The following IMMP2L variants were observed in gnomAD, a reference collection of about 807,000 sequenced individuals.
IMMP2L encodes the protein mitochondrial inner membrane protease subunit 2.
Under a neutral mutation model 19.3 loss-of-function variants are expected in IMMP2L, and 18 were observed. The observed-to-expected ratio is 0.93, with a 90% CI of 0.64 to 1.38. IMMP2L has a LOEUF of 1.38. IMMP2L is among the 40% of genes most tolerant of loss of function. The pLI, the probability that IMMP2L is intolerant of heterozygous loss-of-function variation, is 0.00. For synonymous variants in IMMP2L, 76 were observed against 73.0 expected (o/e 1.04, Z -0.21); for missense variants, 233 against 218.2 (o/e 1.07, Z -0.43).
intron 4 of IMMP2L, among the ~76,000 whole-genome samples, chr7:110,914,228 T>G (rs2129548934): frequency 6.6e-6 from 1 of 152,312 alleles, no homozygotes; most frequent in South Asian, 2.1e-4. Context: ...TTCAGGATCC[T>G]GATCTCACTC....
At chr7:111,316,655 G>A (rs1824113816) in intron 3 of IMMP2L, among the ~76,000 whole-genome samples, 1 of 151,472 alleles carries the variant, frequency 6.6e-6, no homozygotes, top group Non-Finnish European at 1.5e-5. Flanking sequence ...GGGAGAAAAG[G>A]GAAAATAAAG....
intron 5 of IMMP2L, among the ~76,000 whole-genome samples, chr7:110,717,565 T>C (rs1336252389): frequency 6.6e-6 from 1 of 152,208 alleles, no homozygotes; most frequent in Non-Finnish European, 1.5e-5. Context: ...CCATAGCACC[T>C]ATTACTCTAC....
At chr7:111,072,722 C>T (rs576279580) in intron 3 of IMMP2L, among the ~76,000 whole-genome samples, 19 of 152,044 alleles carry the variant, frequency 1.2e-4, no homozygotes, top group African/African-American at 4.1e-4. Context: ...AGTGAAATCC[C>T]ATCTCTACTA....
chr7:111,342,197 T>A (rs560977082), intron 3 of IMMP2L, among the ~76,000 whole-genome samples: 4 of 152,302 alleles, frequency 2.6e-5, no homozygotes, highest in African/African-American at 9.6e-5. Context: ...AGATTTGACT[T>A]ATAGAAAACT....
At chr7:111,190,525 T>C (rs956428192) in intron 3 of IMMP2L, among the ~76,000 whole-genome samples, 7 of 152,032 alleles carry the variant, frequency 4.6e-5, no homozygotes, top group Admixed American at 6.6e-5. Context: ...TATGCACCAA[T>C]AGAACAATAG....
At chr7:111,031,646 T>C (rs1219794718) in intron 3 of IMMP2L, among the ~76,000 whole-genome samples, 1 of 152,144 alleles carries the variant, frequency 6.6e-6, no homozygotes. Context: ...GAAATCCAAA[T>C]GATTTATGCC....
At position 111,292,087 on chromosome 7, in the gene IMMP2L, A is replaced by C. The variant is rs60535353; in HGVS notation, c.239+195151T>G. On this transcript the variant is annotated intron_variant, in intron 3 of 5. Transcript: ENST00000405709. ...TCACACACAGTGAAACCAAGAAAAC[A>C]ACCATATTCAAAAATGCCTGTCAAA... 3.3e-5 allele frequency among the ~76,000 whole-genome samples: 5 copies of C among 152,228 alleles called. No individual in the cohort carries two copies. The East Asian group carries it at 9.6e-4, about 29-fold the overall frequency.
chr7:111,414,903 C>T (rs1460784289), intron 3 of IMMP2L, among the ~76,000 whole-genome samples: 1 of 151,786 alleles, frequency 6.6e-6, no homozygotes, highest in Non-Finnish European at 1.5e-5. Flanking sequence ...CAGATTCCTG[C>T]CCACTGGTGC....
chr7:111,050,264 C>T (rs1461263423), intron 3 of IMMP2L, among the ~76,000 whole-genome samples: 2 of 152,170 alleles, frequency 1.3e-5, no homozygotes, highest in African/African-American at 4.8e-5. Flanking sequence ...AAGAATCTTA[C>T]AGATTTTGAA....
chr7:111,342,454 T>C (rs1827115168), intron 3 of IMMP2L, among the ~76,000 whole-genome samples: 1 of 151,774 alleles, frequency 6.6e-6, no homozygotes, highest in Admixed American at 6.6e-5. Context: ...TAGCTGGGCG[T>C]GGTGGCACGT....
intron 3 of IMMP2L, among the ~76,000 whole-genome samples, chr7:111,015,872 T>C (rs1825460714): frequency 6.6e-6 from 1 of 152,160 alleles, no homozygotes; most frequent in Non-Finnish European, 1.5e-5. Context: ...ATAGCCTCTC[T>C]CAAACACCAA....
At chr7:110,970,188 T>A (rs1819996695) in intron 3 of IMMP2L, among the ~76,000 whole-genome samples, 1 of 152,164 alleles carries the variant, frequency 6.6e-6, no homozygotes, top group South Asian at 2.1e-4. Context: ...TAATTGAGTA[T>A]TTTTGATCCT....
chr7:111,353,721 A>G (rs1828412886), intron 3 of IMMP2L, among the ~76,000 whole-genome samples: 2 of 152,168 alleles, frequency 1.3e-5, no homozygotes, highest in Admixed American at 1.3e-4. Context: ...CAGACTACAT[A>G]TATACATAAA....
At chr7:110,778,393 G>A (rs1170185496) in intron 5 of IMMP2L, among the ~76,000 whole-genome samples, 3 of 151,952 alleles carry the variant, frequency 2.0e-5, no homozygotes, top group Non-Finnish European at 4.4e-5. Context: ...ATTGGAAGAA[G>A]TGCTGGGATA....
At chr7:111,143,708 G>A (rs2024746512) in intron 3 of IMMP2L, among the ~76,000 whole-genome samples, 1 of 152,112 alleles carries the variant, frequency 6.6e-6, no homozygotes, top group African/African-American at 2.4e-5. Context: ...GGCACAGAAA[G>A]TAAATATAAA....
At chr7:111,235,459 G>A (rs1021438615) in intron 3 of IMMP2L, among the ~76,000 whole-genome samples, 9 of 149,568 alleles carry the variant, frequency 6.0e-5, no homozygotes, top group South Asian at 4.2e-4. Flanking sequence ...TAACAAGAGC[G>A]AAACTCCGTC....
At chr7:111,309,017 ATTAAC>A (rs763638176) in intron 3 of IMMP2L, among the ~76,000 whole-genome samples, 3 of 152,158 alleles carry the variant, frequency 2.0e-5, no homozygotes, top group Non-Finnish European at 2.9e-5. Flanking sequence ...CTAGTGCATC[ATTAAC>A]TTAACCACTG....
At chr7:110,851,658 C>G (rs1277112584) in intron 5 of IMMP2L, among the ~76,000 whole-genome samples, 1 of 152,076 alleles carries the variant, frequency 6.6e-6, no homozygotes, top group East Asian at 1.9e-4. Context: ...GGCAAGAAAG[C>G]CACTTACCCT....
chr7:110,957,865 C>G lies in IMMP2L; in HGVS notation c.305+5635G>C, dbSNP rs542559939. On this transcript the variant is annotated intron_variant, in intron 4 of 5. Transcript: ENST00000405709. ...AGACCCTTACCATTTCTCTCTACCC[C>G]CTTTTCTGCTTTGTTTTTCTTCATA... Among the ~76,000 whole-genome samples the G allele has an allele frequency of 5.1e-4, 78 of 152,076 alleles. No individual in the cohort carries two copies. In the South Asian group the frequency reaches 8.1e-3, roughly 16 times the overall value.
Sources: allele counts gnomAD v4.1 joint callset (sites outside exome capture counted in the v4.1 genomes callset), GRCh38; gene constraint gnomAD v4.1.1; transcripts MANE v1.5; gene names NCBI Gene and HGNC (gene_info 2026-07-23, HGNC 2026-07-21).